Variants in KCNIP4 observed in about 807,000 individuals in gnomAD.
KCNIP4 encodes the protein Kv channel-interacting protein 4.
In KCNIP4, 12 loss-of-function variants were observed where a neutral mutation model predicts 34.0. The observed-to-expected ratio is 0.35, with a 90% confidence interval of 0.23 to 0.57. The LOEUF is 0.57. Ranked by LOEUF, KCNIP4 falls within the 20% of genes least tolerant of loss-of-function variation. The pLI, the probability that KCNIP4 is intolerant of heterozygous loss-of-function variation, is 0.83. For synonymous variants in KCNIP4, 124 were observed against 102.2 expected, an observed-to-expected ratio of 1.21 and a Z score of -1.29; for missense variants, 238 against 311.7, an observed-to-expected ratio of 0.76 and a Z score of 1.78.
chr4:21,477,150 A>G (rs1731050503), intron 1 of KCNIP4, among the ~76,000 whole-genome samples: 1 of 152,188 alleles, frequency 6.6e-6, no homozygotes, highest in East Asian at 1.9e-4. Context: ...TTAGAGTTCC[A>G]CAATTTATGT....
chr4:21,635,958 C>T (rs1746115839), intron 1 of KCNIP4, among the ~76,000 whole-genome samples: 2 of 151,664 alleles, frequency 1.3e-5, no homozygotes, highest in African/African-American at 4.8e-5. Flanking sequence ...ACTATGCAGC[C>T]ATAAAAAATG....
chr4:21,416,630 A>T (rs1724976353), intron 1 of KCNIP4, among the ~76,000 whole-genome samples: 1 of 152,198 alleles, frequency 6.6e-6, no homozygotes, highest in Non-Finnish European at 1.5e-5. Context: ...TGAGAATTAA[A>T]CACATTTCAT....
At chr4:20,908,679 C>T (rs1027937578) in intron 1 of KCNIP4, among the ~76,000 whole-genome samples, 9 of 152,084 alleles carry the variant, frequency 5.9e-5, no homozygotes, top group Non-Finnish European at 5.9e-5. Context: ...TGATGTTTCC[C>T]CTGATATCCC....
chr4:21,636,949 CT>C (rs756739985), intron 1 of KCNIP4, among the ~76,000 whole-genome samples: 55 of 152,120 alleles, frequency 3.6e-4, no homozygotes, highest in South Asian at 8.3e-4. Context: ...TTGATGGACA[CT>C]AGGAAACATT....
intron 1 of KCNIP4, among the ~76,000 whole-genome samples, chr4:21,292,333 C>T (rs1019053900): frequency 6.6e-6 from 1 of 152,122 alleles, no homozygotes; most frequent in Non-Finnish European, 1.5e-5. Context: ...GTACCTCCAT[C>T]GTCTGAGCTA....
chr4:21,113,482 G>GAAAAAAAAAAAAAAAAAAAAA (rs1164913472), intron 1 of KCNIP4, among the ~76,000 whole-genome samples: 13 of 109,466 alleles, frequency 1.2e-4, no homozygotes, highest in South Asian at 2.9e-4. Flanking sequence ...AAAAAAAAAG[G>GAAAAAAAAAAAAAAAAAAAAA]AAAGCTATAC....
At chr4:21,671,436 G>T (rs1456452948) in intron 1 of KCNIP4, among the ~76,000 whole-genome samples, 2 of 152,180 alleles carry the variant, frequency 1.3e-5, no homozygotes, top group East Asian at 3.9e-4. Flanking sequence ...AAGTGGTTTA[G>T]CTCCATTTTA....
chr4:21,205,816 C>T (rs73109430), intron 1 of KCNIP4, among the ~76,000 whole-genome samples: 8,979 of 152,268 alleles, frequency 0.059, 459 homozygotes, highest in African/African-American at 0.14. Context: ...CTCCTAACCA[C>T]TCTGAGGGCA....
At chr4:20,947,559 T>C (rs1732314840) in intron 1 of KCNIP4, among the ~76,000 whole-genome samples, 1 of 152,212 alleles carries the variant, frequency 6.6e-6, no homozygotes, top group African/African-American at 2.4e-5. Context: ...TTTCATTTCA[T>C]CCTCCTAGTA....
intron 1 of KCNIP4, among the ~76,000 whole-genome samples, chr4:21,705,669 A>G (rs1019220157): frequency 1.3e-5 from 2 of 152,140 alleles, no homozygotes; most frequent in African/African-American, 4.8e-5. Context: ...CAAGGTGATA[A>G]CAAAAGTCCT....
chr4:21,307,239 G>A (rs1712587059), intron 1 of KCNIP4, among the ~76,000 whole-genome samples: 1 of 150,592 alleles, frequency 6.6e-6, no homozygotes, highest in Admixed American at 6.6e-5. Context: ...AAGGCCTGAG[G>A]GTTTTTCTTT....
intron 1 of KCNIP4, among the ~76,000 whole-genome samples, chr4:21,178,248 T>C (rs903330847): frequency 6.6e-6 from 1 of 152,244 alleles, no homozygotes; most frequent in Non-Finnish European, 1.5e-5. Flanking sequence ...TGATTATATA[T>C]GCAATTACAA....
chr4:21,682,980 AT>A (rs1401503955), intron 1 of KCNIP4, among the ~76,000 whole-genome samples: 1 of 152,244 alleles, frequency 6.6e-6, no homozygotes, highest in Non-Finnish European at 1.5e-5. Context: ...TGAAGTGAAC[AT>A]GTGTTTTTGG....
At chr4:21,246,763 G>A (rs1760235076) in intron 1 of KCNIP4, among the ~76,000 whole-genome samples, 1 of 151,934 alleles carries the variant, frequency 6.6e-6, no homozygotes, top group South Asian at 2.1e-4. Context: ...TGTAAAAGTT[G>A]AAAAAATAAT....
intron 1 of KCNIP4, among the ~76,000 whole-genome samples, chr4:21,344,428 G>T (rs1287126476): frequency 1.3e-5 from 2 of 152,120 alleles, no homozygotes. Flanking sequence ...CATAGGATTT[G>T]CAATAGCCAA....
chr4:20,974,314 G>A (rs1410892226), intron 1 of KCNIP4, among the ~76,000 whole-genome samples: 2 of 152,154 alleles, frequency 1.3e-5, no homozygotes, highest in South Asian at 2.1e-4. Flanking sequence ...TAATTTGAGG[G>A]ACAGTGCATC....
intron 1 of KCNIP4, among the ~76,000 whole-genome samples, chr4:21,680,285 T>G (rs1015513834): frequency 2.0e-5 from 3 of 152,196 alleles, no homozygotes; most frequent in Non-Finnish European, 2.9e-5. Flanking sequence ...TCTTCATCCA[T>G]TTAAGTTTGT....
At chr4:21,637,321 C>A (rs1160588778) in intron 1 of KCNIP4, among the ~76,000 whole-genome samples, 2 of 151,944 alleles carry the variant, frequency 1.3e-5, no homozygotes, top group Non-Finnish European at 2.9e-5. Context: ...TCAGGTAATG[C>A]CACCAGCTAG....
intron 1 of KCNIP4, among the ~76,000 whole-genome samples, chr4:21,813,247 A>T (rs1441108243): frequency 6.6e-6 from 1 of 152,242 alleles, no homozygotes; most frequent in Non-Finnish European, 1.5e-5. Context: ...AGTTTCTAGC[A>T]TCAGTTTCTA....
Sources: allele counts gnomAD v4.1 joint callset (sites outside exome capture counted in the v4.1 genomes callset), GRCh38; gene constraint gnomAD v4.1.1; transcripts MANE v1.5; gene names NCBI Gene and HGNC (gene_info 2026-07-23, HGNC 2026-07-21).